Variants in FAM222B observed in about 807,000 individuals in gnomAD.
FAM222B encodes the protein family with sequence similarity 222 member B, also known as protein FAM222B.
A neutral mutation model predicts 38.0 loss-of-function variants in FAM222B; 12 were observed. That is an observed-to-expected ratio of 0.32 (90% CI 0.20 to 0.51). FAM222B has a LOEUF of 0.51. Ranked by LOEUF, FAM222B falls within the 20% of genes least tolerant of loss-of-function variation. The probability of loss-of-function intolerance (pLI) is 0.97; values close to 1 mark genes in which losing one functional copy is unlikely to be tolerated. For missense variants in FAM222B, 716 were observed against 754.2 expected (o/e 0.95, Z 0.59); for synonymous variants, 329 against 317.2 (o/e 1.04, Z -0.40).
intron 2 of FAM222B, among the ~76,000 whole-genome samples, chr17:28,762,358 T>C (rs2035116547): frequency 6.6e-6 from 1 of 152,172 alleles, no homozygotes; most frequent in South Asian, 2.1e-4. Context: ...CTGGGCGCAG[T>C]GGCTCATGCC....
At chr17:28,845,306 C>T (rs945024067), upstream of FAM222B, among the ~76,000 whole-genome samples, 21 of 150,880 alleles carry the variant, frequency 1.4e-4, no homozygotes, top group South Asian at 1.5e-3. Flanking sequence ...GAGGCTGAGG[C>T]GGGAGAATGG....
intron 1 of FAM222B, among the ~76,000 whole-genome samples, chr17:28,791,057 G>A (rs577530828): frequency 2.0e-5 from 3 of 151,184 alleles, no homozygotes; most frequent in Non-Finnish European, 1.5e-5. Context: ...ACAGGTGCCC[G>A]CCACCACGCC....
rs2034722588 is a variant in FAM222B at position 28,756,852 on chromosome 17, GAAC to G, written c.*1415_*1417del. 3 of 152,296 alleles carry G rather than the reference GAAC, an allele frequency of 2.0e-5. No individual in the cohort carries two copies. The highest frequency in any genetic ancestry group is 1.3e-4 in the Admixed American group (2 of 15,246). The allele number at this position is 152,296 out of a possible 1,614,324, so 9.4% of individuals were successfully genotyped here. A position where few individuals can be genotyped will look rare whatever the true frequency, so the allele number is the denominator to read the frequency against. On this transcript the variant is annotated 3_prime_UTR_variant, in exon 3 of 3. Transcript: ENST00000581407. ...TGGCTAACGAACAGTAGTGGATAGT[GAAC>G]AAAATGCAAAACCTTAAATAAGAAC...
At chr17:28,817,438 A>C (rs1302087158) in intron 1 of FAM222B, among the ~76,000 whole-genome samples, 1 of 151,352 alleles carries the variant, frequency 6.6e-6, no homozygotes, top group African/African-American at 2.4e-5. Context: ...AATAATCATA[A>C]TAAGGCCAGG....
At position 28,757,059 on chromosome 17, in the gene FAM222B, C is replaced by T. The variant is rs768931614; in HGVS notation, c.*1211G>A. The T allele has an allele frequency of 1.3e-5, 2 of 152,594 alleles. No individual in the cohort carries two copies. Among genetic ancestry groups the T allele is most frequent in the East Asian group, 1.9e-4 (1 of 5,202 alleles). The allele number at this position is 152,594 out of a possible 1,614,324, so 9.5% of individuals were successfully genotyped here. The stretch of plus-strand genomic sequence containing the variant: ...CAACTAATTGTCGCTTGGGATGAGA[C>T]GTGCTGAGCATGGAGTGGATGAAGG... On this transcript the variant is annotated 3_prime_UTR_variant, in exon 3 of 3. Coordinates refer to ENST00000581407, the MANE Select transcript of FAM222B (RefSeq NM_001077498.3).
intron 1 of FAM222B, among the ~76,000 whole-genome samples, chr17:28,801,810 T>G (rs1180706148): frequency 1.3e-5 from 2 of 152,010 alleles, no homozygotes; most frequent in East Asian, 3.8e-4. Context: ...ATAATAAGAA[T>G]GAAGATAAAT....
At position 28,759,087 on chromosome 17, in the gene FAM222B, T is replaced by G; in HGVS notation, c.872A>C (p.Gln291Pro). 1 of 1,611,738 alleles carries G rather than the reference T, an allele frequency of 6.2e-7. No homozygotes were observed. Among genetic ancestry groups the G allele is most frequent in the Non-Finnish European group, 8.5e-7 (1 of 1,179,016 alleles). The change falls in exon 3 of 3, where the codon CAG becomes CCG. Residue 291 changes from glutamine to proline, a missense_variant. Gln to Pro is a moderately conservative substitution (Grantham distance 76). Coordinates refer to ENST00000581407, the MANE Select transcript of FAM222B (RefSeq NM_001077498.3). This position sits in a 1 kb window ranked among gnomAD's most constrained non-coding sequence, Gnocchi z 4.8. ...ACTAATGGGGCTGGGGTTGGCGATC[T>G]GGCCCTCACACACTGAGGTAGTGCT... ...GISTTSVCEG[Q>P]IANPSPISRS...
chr17:28,852,714 T>C (rs896143474), intron 1 of FAM222B, among the ~76,000 whole-genome samples: 4 of 152,084 alleles, frequency 2.6e-5, no homozygotes, highest in Non-Finnish European at 5.9e-5. Flanking sequence ...ATACTGGTCC[T>C]CAATATCCAA....
chr17:28,784,214 C>T (rs2036290692), intron 1 of FAM222B, among the ~76,000 whole-genome samples: 1 of 152,018 alleles, frequency 6.6e-6, no homozygotes, highest in South Asian at 2.1e-4. Flanking sequence ...TGGCTCACAT[C>T]TGTAATCCCA....
Position 28,808,293 on chromosome 17 carries a change from G to C in FAM222B, c.-41+34389C>G, listed in dbSNP as rs540801676. Among the ~76,000 whole-genome samples the C allele has an allele frequency of 3.3e-5, 5 of 152,262 alleles. No homozygotes were observed. In the South Asian group the frequency reaches 1.0e-3, roughly 32 times the overall value. Reference sequence around the variant, plus strand: ...ATCTAGGAGAGAAATTAATAACAATGCCAGCCCAGGTTACCAAAAGCTAAA... The same window carrying C: ...ATCTAGGAGAGAAATTAATAACAATCCCAGCCCAGGTTACCAAAAGCTAAA... On this transcript the variant is annotated intron_variant, in intron 1 of 2. Transcript: ENST00000581407.
intron 1 of FAM222B, among the ~76,000 whole-genome samples, chr17:28,810,349 CTT>C (rs1334709282): frequency 6.6e-6 from 1 of 152,134 alleles, no homozygotes; most frequent in Non-Finnish European, 1.5e-5. Flanking sequence ...TCAAAGTGCA[CTT>C]TGTTTTATAT....
intron 1 of FAM222B, among the ~76,000 whole-genome samples, chr17:28,824,039 A>C (rs1268858600): frequency 1.3e-5 from 2 of 151,564 alleles, no homozygotes; most frequent in East Asian, 3.9e-4. Context: ...CACCACACCC[A>C]GCTCATTTTT....
chr17:28,757,001 CTAAGTT>C lies in FAM222B; in HGVS notation c.*1263_*1268del, dbSNP rs765190748. 1 of 152,474 alleles carries C rather than the reference CTAAGTT, an allele frequency of 6.6e-6. No individual in the cohort carries two copies. Among genetic ancestry groups the C allele is most frequent in the Non-Finnish European group, 1.5e-5 (1 of 68,046 alleles). 9.4% of individuals were successfully genotyped at this position (152,474 alleles called of 1,614,324 possible). ...GTGCAAAAATTTGTAACAAAACAGT[CTAAGTT>C]TAAAATTACAGAAAAGTGTTTCTAG... On this transcript the variant is annotated 3_prime_UTR_variant, in exon 3 of 3. Coordinates refer to ENST00000581407, the MANE Select transcript of FAM222B (RefSeq NM_001077498.3).
intron 1 of FAM222B, among the ~76,000 whole-genome samples, chr17:28,841,502 G>C (rs2152631322): frequency 6.6e-6 from 1 of 152,124 alleles, no homozygotes; most frequent in South Asian, 2.1e-4. Context: ...AGCTTCCCAA[G>C]CAGCTGGGAT....
At chr17:28,781,538 T>C (rs1432752299) in intron 1 of FAM222B, among the ~76,000 whole-genome samples, 1 of 152,128 alleles carries the variant, frequency 6.6e-6, no homozygotes, top group Non-Finnish European at 1.5e-5. Context: ...ACTGGGCATA[T>C]ATACAAGGAA....
At chr17:28,837,815 G>A (rs535304686) in intron 1 of FAM222B, among the ~76,000 whole-genome samples, 1 of 152,118 alleles carries the variant, frequency 6.6e-6, no homozygotes, top group East Asian at 2.0e-4. Context: ...ACCATGCCCA[G>A]CTAATCTTTG....
chr17:28,805,046 A>G lies in FAM222B; in HGVS notation c.-41+37636T>C, dbSNP rs559969623. On this transcript the variant is annotated intron_variant, in intron 1 of 2. Coordinates refer to ENST00000581407, the MANE Select transcript of FAM222B (RefSeq NM_001077498.3). ...GGGCGACAGAGCGAGACTCCATCTC[A>G]GGAAAAAAAAAAAGAAAGAAACTAA... Among the ~76,000 whole-genome samples, 6 of 151,450 alleles carry G rather than the reference A, an allele frequency of 4.0e-5. No individual in the cohort carries two copies. In the East Asian group the frequency reaches 9.9e-4, roughly 25 times the overall value.
chr17:28,783,218 T>C (rs765789620), intron 1 of FAM222B, among the ~76,000 whole-genome samples: 6 of 151,950 alleles, frequency 3.9e-5, no homozygotes, highest in Non-Finnish European at 7.4e-5. Flanking sequence ...TAATTTGGAT[T>C]ACAGAAACAT....
At chr17:28,807,796 C>G (rs572742632) in intron 1 of FAM222B, among the ~76,000 whole-genome samples, 1 of 152,252 alleles carries the variant, frequency 6.6e-6, no homozygotes, top group African/African-American at 2.4e-5. Flanking sequence ...ATCAAGTGTT[C>G]ACAGAATGCT....
Sources: gnomAD v4.1 joint callset for allele counts (sites outside exome capture counted in the v4.1 genomes callset) on GRCh38, gnomAD v4.1.1 for gene constraint, Gnocchi (gnomAD v3.1) non-coding constraint, MANE v1.5 for transcripts, NCBI Gene and HGNC (gene_info 2026-07-23, HGNC 2026-07-21) for gene names.